UQCRB: variants seen among roughly 807,000 people sequenced by gnomAD.
UQCRB encodes cytochrome b-c1 complex subunit 7.
A neutral mutation model predicts 19.8 loss-of-function variants in UQCRB; 12 were observed. The observed-to-expected ratio is 0.61, with a 90% CI of 0.39 to 0.98. The LOEUF (loss-of-function observed/expected upper bound fraction) is 0.98, where lower values mean the gene tolerates loss of function less well. Ranked by LOEUF, UQCRB falls within the 50% of genes least tolerant of loss-of-function variation. The pLI, the probability that UQCRB is intolerant of heterozygous loss-of-function variation, is 0.00. For missense variants in UQCRB, 142 were observed against 131.8 expected (o/e 1.08, Z -0.38); for synonymous variants, 39 against 42.9 (o/e 0.91, Z 0.35).
chr8:96,235,138 C>G, intron 1 of UQCRB: 1 of 417,346 alleles, frequency 2.4e-6, no homozygotes, highest in Non-Finnish European at 4.5e-6. Context: ...CACGATAGAG[C>G]ACTTGGGTCA....
rs1431391415 is a variant in UQCRB at position 96,230,123 on chromosome 8, TG to T, written c.*931del. ...TTGAGACAGTCAATGTCGCTCAGGC[TG>T]AAGTGCAGTGGTGTGATCTAGGCTC... On this transcript the variant is annotated 3_prime_UTR_variant, in exon 4 of 4. Coordinates refer to ENST00000287022, the MANE Select transcript of UQCRB (RefSeq NM_006294.5). The T allele has an allele frequency of 1.3e-5, 6 of 454,112 alleles. No individual in the cohort carries two copies. The highest frequency in any genetic ancestry group is 9.3e-5 in the South Asian group (6 of 64,480). The allele number at this position is 454,112 out of a possible 1,614,324, so 28.1% of individuals were successfully genotyped here.
In UQCRB at chr8:96,227,401, A is replaced by G. The variant is rs569611300; in HGVS notation, c.*3654T>C. 4.8e-5 allele frequency: 22 copies of G among 454,134 alleles called. No individual in the cohort carries two copies. The East Asian group carries it at 1.5e-3, about 32-fold the overall frequency. The allele number at this position is 454,134 out of a possible 1,614,324, so 28.1% of individuals were successfully genotyped here. On this transcript the variant is annotated 3_prime_UTR_variant, in exon 4 of 4. Transcript: ENST00000287022. ...GTGATGTACACTAAGTTGTAAAGTT[A>G]TAGGGCATCGCCACCTAGTGGCAGA...
chr8:96,226,134 C>T lies in UQCRB; in HGVS notation c.*4921G>A, dbSNP rs969618673. 2 of 152,182 alleles carry T rather than the reference C, an allele frequency of 1.3e-5. No homozygotes were observed. Among genetic ancestry groups the T allele is most frequent in the Non-Finnish European group, 1.5e-5 (1 of 68,050 alleles). 9.4% of individuals were successfully genotyped at this position (152,182 alleles called of 1,614,324 possible). A position where few individuals can be genotyped will look rare whatever the true frequency, so the allele number is the denominator to read the frequency against. On this transcript the variant is annotated 3_prime_UTR_variant, in exon 4 of 4. Transcript: ENST00000287022. ...CTGCTATATTCTTCCTAGCTTCTGC[C>T]TAGCCTGGAACATAAACACATACAT...
At position 96,230,894 on chromosome 8, in the gene UQCRB, C is replaced by CAGTAGTTATTT. The variant is rs1809653877; in HGVS notation, c.*160_*161insAAATAACTACT. The CAGTAGTTATTT allele has an allele frequency of 1.2e-6, 1 of 812,706 alleles. No homozygotes were observed. Among genetic ancestry groups the CAGTAGTTATTT allele is most frequent in the Non-Finnish European group, 2.1e-6 (1 of 471,684 alleles). 50.3% of individuals were successfully genotyped at this position (812,706 alleles called of 1,614,324 possible). On this transcript the variant is annotated 3_prime_UTR_variant, in exon 4 of 4. Coordinates refer to ENST00000287022, the MANE Select transcript of UQCRB (RefSeq NM_006294.5). ...AAAAAAATTTAACAGTAAAGGGATT[C>CAGTAGTTATTT]AGTAGTTATTCAGTATAAGGTTTGG...
chr8:96,232,734 C>G (rs1482533873), intron 2 of UQCRB: 1 of 173,264 alleles, frequency 5.8e-6, no homozygotes, highest in African/African-American at 2.4e-5. Flanking sequence ...ACTCAGGAGG[C>G]TGAGGCAGGA....
chr8:96,228,863 T>C lies in UQCRB; in HGVS notation c.*2192A>G, dbSNP rs59457563. 0.022 allele frequency: 9,808 copies of C among 454,028 alleles called. 813 individuals are homozygous for C. The highest frequency in any genetic ancestry group is 0.18 in the African/African-American group (8,904 of 50,070). 28.1% of individuals were successfully genotyped at this position (454,028 alleles called of 1,614,324 possible). A position where few individuals can be genotyped will look rare whatever the true frequency, so the allele number is the denominator to read the frequency against. ...ATGTAGACCAGACTACAGGACAATG[T>C]AGATTTGGTCTACAGGACAATGCAG... On this transcript the variant is annotated 3_prime_UTR_variant, in exon 4 of 4. Transcript: ENST00000287022.
At chr8:96,233,417 A>G (rs930985197) in intron 1 of UQCRB, 190 bp from the exon 2 acceptor site, 149 of 583,602 alleles carry the variant, frequency 2.6e-4, no homozygotes, top group Non-Finnish European at 2.1e-5. Context: ...AAAAGTTTAT[A>G]CTCTATAAAA....
chr8:96,228,215 T>G lies in UQCRB; in HGVS notation c.*2840A>C, dbSNP rs778733953. The G allele has an allele frequency of 8.8e-6, 4 of 454,120 alleles. No individual in the cohort carries two copies. The highest frequency in any genetic ancestry group is 6.2e-5 in the South Asian group (4 of 64,480). The allele number at this position is 454,120 out of a possible 1,614,324, so 28.1% of individuals were successfully genotyped here. On this transcript the variant is annotated 3_prime_UTR_variant, in exon 4 of 4. Coordinates refer to ENST00000287022, the MANE Select transcript of UQCRB (RefSeq NM_006294.5). Reference sequence around the variant, plus strand: ...TAAACAAACATAACTTTCTTCAAGATGTAGGAAAACTGTATATTCAAAACC... The same window carrying G: ...TAAACAAACATAACTTTCTTCAAGAGGTAGGAAAACTGTATATTCAAAACC...
At position 96,226,203 on chromosome 8, in the gene UQCRB, A is replaced by G. The variant is rs1298195250; in HGVS notation, c.*4852T>C. On this transcript the variant is annotated 3_prime_UTR_variant, in exon 4 of 4. Coordinates refer to ENST00000287022, the MANE Select transcript of UQCRB (RefSeq NM_006294.5). ...AAATTATGTAATGAACAAGCATAAA[A>G]TGGACTTTCGAAGCCTAATTTCTTC... 6.6e-6 allele frequency: 1 copy of G among 152,236 alleles called. No homozygotes were observed. The highest frequency in any genetic ancestry group is 1.5e-5 in the Non-Finnish European group (1 of 68,050). The allele number at this position is 152,236 out of a possible 1,614,324, so 9.4% of individuals were successfully genotyped here.
At chr8:96,231,195 A>G in intron 3 of UQCRB, 63 bp from the exon 4 acceptor site, 2 of 1,613,846 alleles carry the variant, frequency 1.2e-6, no homozygotes. Context: ...AACACTCAAC[A>G]GGTCTTCAAT....
intron 1 of UQCRB, chr8:96,233,430 T>C (rs779112450): frequency 3.1e-5 from 17 of 549,980 alleles, no homozygotes; most frequent in Non-Finnish European, 4.1e-5. Context: ...CTATAAAATG[T>C]TGATAAAAAG....
chr8:96,231,397 C>T, intron 3 of UQCRB: 1 of 1,538,028 alleles, frequency 6.5e-7, no homozygotes. Context: ...AGTTTCAATG[C>T]AGTTCAAGGG....
chr8:96,232,424 A>T (rs541823076), intron 2 of UQCRB: 1 of 156,656 alleles, frequency 6.4e-6, no homozygotes, highest in Middle Eastern at 3.4e-3. Flanking sequence ...TAAAAGATGA[A>T]GTTCATGGTA....
Position 96,230,621 on chromosome 8 carries a change from C to T in UQCRB, c.*434G>A, listed in dbSNP as rs7836698. ...CTATGTTGGGGTGCAGACATAATTTCTTTTTAAATGATAGGATGCAAAATC... is the reference window on the plus strand; with the variant it reads ...CTATGTTGGGGTGCAGACATAATTTTTTTTTAAATGATAGGATGCAAAATC... On this transcript the variant is annotated 3_prime_UTR_variant, in exon 4 of 4. Coordinates refer to ENST00000287022, the MANE Select transcript of UQCRB (RefSeq NM_006294.5). The T allele has an allele frequency of 0.34, 155,058 of 455,480 alleles. 28,381 individuals are homozygous for T. The highest frequency in any genetic ancestry group is 0.4 in the Non-Finnish European group (90,468 of 227,922). 28.2% of individuals were successfully genotyped at this position (455,480 alleles called of 1,614,324 possible). A position where few individuals can be genotyped will look rare whatever the true frequency, so the allele number is the denominator to read the frequency against.
rs1221411941 is a variant in UQCRB, at chr8:96,230,521, C to T, written c.*534G>A. The stretch of plus-strand genomic sequence containing the variant: ...GGGGACAGTATGATTTGTCTTTATA[C>T]TTTTATTTTTCTAACATCTTTTTGT... On this transcript the variant is annotated 3_prime_UTR_variant, in exon 4 of 4. Coordinates refer to ENST00000287022, the MANE Select transcript of UQCRB (RefSeq NM_006294.5). 1.5e-5 allele frequency: 7 copies of T among 453,634 alleles called. No homozygotes were observed. The highest frequency in any genetic ancestry group is 1.2e-4 in the African/African-American group (6 of 49,930). 28.1% of individuals were successfully genotyped at this position (453,634 alleles called of 1,614,324 possible).
chr8:96,231,900 T>C lies in UQCRB; in HGVS notation c.132A>G (p.Val44=). The C allele has an allele frequency of 6.2e-7, 1 of 1,613,960 alleles. No individual in the cohort carries two copies. Among genetic ancestry groups the C allele is most frequent in the Non-Finnish European group, 8.5e-7 (1 of 1,180,016 alleles). The change falls in exon 3 of 4, where the codon GTA becomes GTG. Residue 44 remains valine, a synonymous_variant. Coordinates refer to ENST00000287022, the MANE Select transcript of UQCRB (RefSeq NM_006294.5). ...RDDTIYEDED[V]KEAIRRLPEN... is the part of the protein sequence containing the mutation. ...CAGGAAGTCTTCTTATGGCTTCTTT[T>C]ACATCTTCATCCTCGTATATTGTAT...
chr8:96,231,985 C>T (rs750762015), intron 2 of UQCRB, 45 bp from the exon 3 acceptor site: 14 of 1,604,726 alleles, frequency 8.7e-6, no homozygotes, highest in Admixed American at 3.3e-5. Flanking sequence ...TCTCAAAAAT[C>T]GCGGTTTTTT....
rs1371126969 is a variant in UQCRB at position 96,230,122 on chromosome 8, C to G, written c.*933G>C. 6.6e-6 allele frequency: 3 copies of G among 453,948 alleles called. No homozygotes were observed. In the East Asian group the frequency reaches 2.1e-4, roughly 32 times the overall value. 28.1% of individuals were successfully genotyped at this position (453,948 alleles called of 1,614,324 possible). A position where few individuals can be genotyped will look rare whatever the true frequency, so the allele number is the denominator to read the frequency against. ...TTTGAGACAGTCAATGTCGCTCAGG[C>G]TGAAGTGCAGTGGTGTGATCTAGGC... On this transcript the variant is annotated 3_prime_UTR_variant, in exon 4 of 4. Coordinates refer to ENST00000287022, the MANE Select transcript of UQCRB (RefSeq NM_006294.5).
rs573460904 is a variant in UQCRB, at chr8:96,229,478, G to A, written c.*1577C>T. 393 of 454,122 alleles carry A rather than the reference G, an allele frequency of 8.7e-4. 3 individuals carry two copies. Among genetic ancestry groups the A allele is most frequent in the South Asian group, 5.7e-3 (366 of 64,476 alleles). 28.1% of individuals were successfully genotyped at this position (454,122 alleles called of 1,614,324 possible). A position where few individuals can be genotyped will look rare whatever the true frequency, so the allele number is the denominator to read the frequency against. ...CTCCTTGTAATTGTGCACAGTAGAC[G>A]TCTGAACGAATAGACCAGAGTCCTG... is the stretch of plus-strand genomic sequence containing the variant. On this transcript the variant is annotated 3_prime_UTR_variant, in exon 4 of 4. Coordinates refer to ENST00000287022, the MANE Select transcript of UQCRB (RefSeq NM_006294.5).
Sources: allele counts gnomAD v4.1 joint callset, GRCh38; gene constraint gnomAD v4.1.1; transcripts MANE v1.5; gene names NCBI Gene and HGNC (gene_info 2026-07-23, HGNC 2026-07-21).